MAP3K2: variants seen among roughly 807,000 people sequenced by gnomAD.
MAP3K2 encodes mitogen-activated protein kinase kinase kinase 2.
In MAP3K2, 24 loss-of-function variants were observed where a neutral mutation model predicts 80.3. The ratio of observed to expected loss-of-function variants is 0.30; its 90% CI spans 0.22 to 0.42. MAP3K2 has a LOEUF of 0.42. Ranked by LOEUF, MAP3K2 falls within the 10% of genes least tolerant of loss-of-function variation. MAP3K2 has a pLI of 1.00. For synonymous variants in MAP3K2, 244 were observed against 253.7 expected (o/e 0.96, Z 0.36); for missense variants, 608 against 750.1 (o/e 0.81, Z 2.21).
intron 5 of MAP3K2, among the ~76,000 whole-genome samples, 165 bp downstream of exon 5, chr2:127,335,705 G>A (rs1686353601): frequency 6.6e-6 from 1 of 152,120 alleles, no homozygotes; most frequent in Non-Finnish European, 1.5e-5. Context: ...TTTCCACAAT[G>A]AAATAAATCC....
chr2:127,367,105 T>C (rs1046674839), intron 1 of MAP3K2, among the ~76,000 whole-genome samples: 1 of 152,064 alleles, frequency 6.6e-6, no homozygotes. Flanking sequence ...CTTTCTCAAA[T>C]CACAGGGCAA....
At chr2:127,318,350 C>G (rs1685948906) in intron 12 of MAP3K2, 33 bp from the exon 13 acceptor site, 1 of 1,527,190 alleles carries the variant, frequency 6.5e-7, no homozygotes, top group African/African-American at 1.4e-5. Context: ...AGTGAAATAT[C>G]AAACAGCACA....
chr2:127,379,157 A>T (rs1687201684), intron 1 of MAP3K2, among the ~76,000 whole-genome samples: 1 of 152,008 alleles, frequency 6.6e-6, no homozygotes, highest in African/African-American at 2.4e-5. Context: ...CATTTAAGGT[A>T]GAATGTATCA....
chr2:127,373,094 G>C (rs926302081), intron 1 of MAP3K2, among the ~76,000 whole-genome samples: 1 of 152,198 alleles, frequency 6.6e-6, no homozygotes, highest in Non-Finnish European at 1.5e-5. Flanking sequence ...TGAAAGGCCA[G>C]CTCCCTGATT....
chr2:127,377,201 C>T (rs1239578107), intron 1 of MAP3K2, among the ~76,000 whole-genome samples: 2 of 152,078 alleles, frequency 1.3e-5, no homozygotes, highest in African/African-American at 4.8e-5. Context: ...ACCCACTTCC[C>T]ATAAAATTTA....
In MAP3K2 at chr2:127,308,679, A is replaced by C; in HGVS notation, c.1540T>G (p.Ser514Ala). The C allele has an allele frequency of 6.2e-7, 1 of 1,613,974 alleles. No individual in the cohort carries two copies. The highest frequency in any genetic ancestry group is 8.5e-7 in the Non-Finnish European group (1 of 1,179,860). ...GTGACAGACTTCATTCCTGTCCCTG[A>C]GAGACAGATGGTCTGAAGCCGTTTG... ...ASKRLQTICL[S>A]GTGMKSVTGT... The change falls in exon 16 of 17, where the codon TCA becomes GCA. Residue 514 changes from serine to alanine, a missense_variant. By Grantham distance (99) the Ser-to-Ala change is moderately conservative. This residue lies in a region of MAP3K2 where 88 missense variants were observed against 132.4 expected (regional missense o/e 0.66). Transcript: ENST00000682094.
In MAP3K2 at chr2:127,339,450, T is replaced by C. The variant is rs1329989945; in HGVS notation, c.5-400A>G. Among the ~76,000 whole-genome samples, 2 of 152,222 alleles carry C rather than the reference T, an allele frequency of 1.3e-5. No homozygotes were observed. Among genetic ancestry groups the C allele is most frequent in the Non-Finnish European group, 2.9e-5 (2 of 68,036 alleles). ...TATAAATCTCATTACTTAGCATTTA[T>C]ATTCAAAGTACAGACTTAATTTTGG... is the stretch of plus-strand genomic sequence containing the variant. On this transcript the variant is annotated intron_variant, in intron 2 of 16. Transcript: ENST00000682094. The surrounding 1 kb of genome is among the most constrained non-coding windows in gnomAD (Gnocchi z 4.2).
chr2:127,308,956 C>T (rs1272759964), intron 15 of MAP3K2, among the ~76,000 whole-genome samples, 194 bp from the exon 16 acceptor site: 1 of 152,074 alleles, frequency 6.6e-6, no homozygotes, highest in Non-Finnish European at 1.5e-5. Context: ...GCTGCAAGAA[C>T]ACTACATTTT....
At chr2:127,342,121 G>A (rs1001408262) in intron 2 of MAP3K2, among the ~76,000 whole-genome samples, 1 of 152,104 alleles carries the variant, frequency 6.6e-6, no homozygotes, top group Non-Finnish European at 1.5e-5. Context: ...TCGATACATA[G>A]AGTACAAGTG....
intron 1 of MAP3K2, among the ~76,000 whole-genome samples, chr2:127,378,506 C>T (rs1687187455): frequency 6.6e-6 from 1 of 152,046 alleles, no homozygotes; most frequent in Admixed American, 6.5e-5. Flanking sequence ...TTATAATTTA[C>T]AGTTTGTAAC....
In MAP3K2 at chr2:127,387,656, G is replaced by A. The variant is rs1489317426; in HGVS notation, c.-270C>T. On this transcript the variant is annotated 5_prime_UTR_variant, in exon 1 of 17. Coordinates refer to ENST00000682094, the MANE Select transcript of MAP3K2 (RefSeq NM_001371910.2). Reference sequence around the variant, plus strand: ...CCCTCTTTCACATGAAGCCCGGGCCGGGCGGGGTGGCGGGCGCGTGAATCC... The same window carrying A: ...CCCTCTTTCACATGAAGCCCGGGCCAGGCGGGGTGGCGGGCGCGTGAATCC... 2.0e-6 allele frequency: 2 copies of A among 985,006 alleles called. No individual in the cohort carries two copies. Among genetic ancestry groups the A allele is most frequent in the Non-Finnish European group, 2.4e-6 (2 of 829,826 alleles). The allele number at this position is 985,006 out of a possible 1,614,324, so 61.0% of individuals were successfully genotyped here.
At chr2:127,349,112 AATT>A (rs1251909463) in intron 1 of MAP3K2, among the ~76,000 whole-genome samples, 1 of 152,128 alleles carries the variant, frequency 6.6e-6, no homozygotes, top group African/African-American at 2.4e-5. Flanking sequence ...AAAATGTAAA[AATT>A]ATTAACACAG....
At chr2:127,329,817 A>G in intron 7 of MAP3K2, 104 bp downstream of exon 7, 2 of 671,234 alleles carry the variant, frequency 3.0e-6, no homozygotes, top group South Asian at 3.6e-5. Context: ...GTAGAGAAAT[A>G]AAATATTATT....
Position 127,309,707 on chromosome 2 carries a change from T to C in MAP3K2, c.1457-945A>G, listed in dbSNP as rs564005935. Among the ~76,000 whole-genome samples the C allele has an allele frequency of 4.6e-5, 7 of 152,296 alleles. No individual in the cohort carries two copies. In the South Asian group the frequency reaches 1.2e-3, roughly 27 times the overall value. ...TCTGAGGAGTACTGGGGTCAGGTTT[T>C]TGTAGAATGCCCCTCAATTAGGATT... On this transcript the variant is annotated intron_variant, in intron 15 of 16. Transcript: ENST00000682094.
At chr2:127,341,211 G>A (rs190893048) in intron 2 of MAP3K2, among the ~76,000 whole-genome samples, 14 of 151,762 alleles carry the variant, frequency 9.2e-5, no homozygotes, top group African/African-American at 2.7e-4. Context: ...GGTTGGTCTC[G>A]ATCTCCCGGC....
intron 2 of MAP3K2, among the ~76,000 whole-genome samples, chr2:127,341,125 G>A (rs1002611932): frequency 6.6e-6 from 1 of 151,772 alleles, no homozygotes; most frequent in Admixed American, 6.6e-5. Flanking sequence ...GAGTAGCTGG[G>A]ACTACAGGCA....
chr2:127,380,078 C>G (rs568415769), intron 1 of MAP3K2, among the ~76,000 whole-genome samples: 7 of 152,316 alleles, frequency 4.6e-5, no homozygotes, highest in African/African-American at 1.4e-4. Flanking sequence ...ACCAAAACTT[C>G]TGTAAATCAT....
At position 127,321,107 on chromosome 2, in the gene MAP3K2, G is replaced by C. The variant is rs1280576845; in HGVS notation, c.1045+939C>G. On this transcript the variant is annotated intron_variant, in intron 12 of 16. Coordinates refer to ENST00000682094, the MANE Select transcript of MAP3K2 (RefSeq NM_001371910.2). This position sits in a 1 kb window ranked among gnomAD's most constrained non-coding sequence, Gnocchi z 4.4. ...AGCCTGAGTGACAGAGTGAGATCCTGTTTCAAAAATGAAGGAGAAATAGAC... is the reference window on the plus strand; with the variant it reads ...AGCCTGAGTGACAGAGTGAGATCCTCTTTCAAAAATGAAGGAGAAATAGAC... Among the ~76,000 whole-genome samples the C allele has an allele frequency of 6.6e-6, 1 of 152,164 alleles. No homozygotes were observed. The highest frequency in any genetic ancestry group is 2.1e-4 in the South Asian group (1 of 4,832).
chr2:127,305,128 C>G lies in MAP3K2; in HGVS notation c.*2451G>C, dbSNP rs1345226000. 1 of 152,472 alleles carries G rather than the reference C, an allele frequency of 6.6e-6. No individual in the cohort carries two copies. The highest frequency in any genetic ancestry group is 2.4e-5 in the African/African-American group (1 of 41,408). 9.4% of individuals were successfully genotyped at this position (152,472 alleles called of 1,614,324 possible). A position where few individuals can be genotyped will look rare whatever the true frequency, so the allele number is the denominator to read the frequency against. Reference sequence around the variant, plus strand: ...GGTTCTACAGTCTCACCAGATTTCTCTCTAAAGAGCATTTGTCTCATATTG... The same window carrying G: ...GGTTCTACAGTCTCACCAGATTTCTGTCTAAAGAGCATTTGTCTCATATTG... On this transcript the variant is annotated 3_prime_UTR_variant, in exon 17 of 17. Transcript: ENST00000682094.
Sources: allele counts gnomAD v4.1 joint callset (sites outside exome capture counted in the v4.1 genomes callset), GRCh38; gene constraint gnomAD v4.1.1; regional missense constraint gnomAD v4.1.1; non-coding constraint Gnocchi (gnomAD v3.1); transcripts MANE v1.5; gene names NCBI Gene and HGNC (gene_info 2026-07-23, HGNC 2026-07-21).